The following MEOX2 variants were observed in gnomAD, a reference collection of about 807,000 sequenced individuals.
MEOX2 encodes the protein mesenchyme homeobox 2, also known as homeobox protein MOX-2.
MEOX2 carries 11 observed loss-of-function variants against 27.0 expected under a neutral mutation model. The ratio of observed to expected loss-of-function variants is 0.41; its 90% CI spans 0.26 to 0.68. MEOX2 has a LOEUF of 0.68. Ranked by LOEUF, MEOX2 falls within the 30% of genes least tolerant of loss-of-function variation. The probability of loss-of-function intolerance (pLI) is 0.33; values close to 1 mark genes in which losing one functional copy is unlikely to be tolerated. For missense variants in MEOX2, 436 were observed against 385.4 expected, an observed-to-expected ratio of 1.13 and a Z score of -1.10; for synonymous variants, 189 against 155.4, an observed-to-expected ratio of 1.22 and a Z score of -1.61.
intron 1 of MEOX2, among the ~76,000 whole-genome samples, chr7:15,643,897 A>G (rs1199498917): frequency 6.6e-6 from 1 of 152,172 alleles, no homozygotes; most frequent in Non-Finnish European, 1.5e-5. Flanking sequence ...CCTCGGGGTC[A>G]AGCATCACCT....
At chr7:15,647,408 T>G (rs577621999) in intron 1 of MEOX2, among the ~76,000 whole-genome samples, 8 of 152,248 alleles carry the variant, frequency 5.3e-5, no homozygotes, top group African/African-American at 1.9e-4. Context: ...AGCTACATTT[T>G]AGTAAATTCT....
At chr7:15,643,548 G>T (rs1781595928) in intron 1 of MEOX2, among the ~76,000 whole-genome samples, 3 of 152,162 alleles carry the variant, frequency 2.0e-5, no homozygotes, top group African/African-American at 2.4e-5. Flanking sequence ...ATGCCCAGGG[G>T]AGTCTTCCTC....
chr7:15,658,465 C>A (rs7786884), intron 1 of MEOX2, among the ~76,000 whole-genome samples: 117,415 of 152,164 alleles, frequency 0.77, 45,506 homozygotes, highest in East Asian at 0.87. Flanking sequence ...ATCTGTTAGA[C>A]ATTTTTTGTG....
intron 1 of MEOX2, among the ~76,000 whole-genome samples, chr7:15,669,063 A>T (rs1202439702): frequency 1.3e-5 from 2 of 152,204 alleles, no homozygotes. Flanking sequence ...AAAGTAAAAA[A>T]CAATTGGTAT....
At chr7:15,684,584 T>G (rs6461204) in intron 1 of MEOX2, among the ~76,000 whole-genome samples, 24,622 of 152,152 alleles carry the variant, frequency 0.16, 3,907 homozygotes, top group African/African-American at 0.42. Flanking sequence ...TTGCTGTGAA[T>G]GGTGAAGGAA....
At position 15,612,264 on chromosome 7, in the gene MEOX2, A is replaced by G; in HGVS notation, c.*123T>C. 1.3e-6 allele frequency: 1 copy of G among 791,066 alleles called. No individual in the cohort carries two copies. The highest frequency in any genetic ancestry group is 2.0e-6 in the Non-Finnish European group (1 of 488,772). 49.0% of individuals were successfully genotyped at this position (791,066 alleles called of 1,614,324 possible). A position where few individuals can be genotyped will look rare whatever the true frequency, so the allele number is the denominator to read the frequency against. On this transcript the variant is annotated 3_prime_UTR_variant, in exon 3 of 3. Transcript: ENST00000262041. ...ATAAATCATGAAAAACAGATTCGAAATGCCTGGATTTAATAATATTAAACA... is the reference window on the plus strand; with the variant it reads ...ATAAATCATGAAAAACAGATTCGAAGTGCCTGGATTTAATAATATTAAACA...
chr7:15,640,019 A>G (rs1014050080), intron 1 of MEOX2, among the ~76,000 whole-genome samples: 2 of 152,088 alleles, frequency 1.3e-5, no homozygotes, highest in Non-Finnish European at 2.9e-5. Context: ...TTCTGTGAAA[A>G]ATGACATTAG....
intron 1 of MEOX2, among the ~76,000 whole-genome samples, chr7:15,632,916 A>G (rs1781424438): frequency 6.6e-6 from 1 of 151,956 alleles, no homozygotes; most frequent in African/African-American, 2.4e-5. Context: ...GGATCTGTCT[A>G]ATAGCAAAGG....
At chr7:15,633,471 G>C (rs1169372533) in intron 1 of MEOX2, among the ~76,000 whole-genome samples, 1 of 151,920 alleles carries the variant, frequency 6.6e-6, no homozygotes, top group Admixed American at 6.6e-5. Flanking sequence ...AAAGGATTGA[G>C]CCCTCTTATG....
At chr7:15,666,751 CAAAAAAAAAAAA>C (rs61294753) in intron 1 of MEOX2, among the ~76,000 whole-genome samples, 57 of 63,042 alleles carry the variant, frequency 9.0e-4, no homozygotes, top group African/African-American at 5.0e-3. Flanking sequence ...GACTCTGTCT[CAAAAAAAAAAAA>C]AAAAAAAAAA....
intron 1 of MEOX2, among the ~76,000 whole-genome samples, chr7:15,628,439 C>G (rs1360885941): frequency 6.6e-6 from 1 of 152,106 alleles, no homozygotes; most frequent in Admixed American, 6.6e-5. Context: ...TCTGATGGAT[C>G]ACAGACTGTT....
At chr7:15,617,800 G>A (rs893672537) in intron 2 of MEOX2, among the ~76,000 whole-genome samples, 4 of 151,982 alleles carry the variant, frequency 2.6e-5, no homozygotes, top group African/African-American at 9.7e-5. Flanking sequence ...GTAATTTTTA[G>A]TTCTGAAGCC....
chr7:15,663,619 G>A (rs1202263298), intron 1 of MEOX2, among the ~76,000 whole-genome samples: 1 of 152,068 alleles, frequency 6.6e-6, no homozygotes, highest in Non-Finnish European at 1.5e-5. Context: ...GATTACAGGC[G>A]TGAGCCACCG....
chr7:15,638,967 A>T (rs1029554980), intron 1 of MEOX2, among the ~76,000 whole-genome samples: 4 of 152,090 alleles, frequency 2.6e-5, no homozygotes, highest in African/African-American at 9.7e-5. Context: ...ACTTTTTGAT[A>T]CAATTATTCC....
intron 1 of MEOX2, among the ~76,000 whole-genome samples, chr7:15,663,836 C>A (rs1781955530): frequency 6.6e-6 from 1 of 152,116 alleles, no homozygotes; most frequent in South Asian, 2.1e-4. Context: ...TCATTCCAAT[C>A]ACTAAGCTGC....
intron 1 of MEOX2, among the ~76,000 whole-genome samples, chr7:15,656,146 A>G (rs913346318): frequency 1.5e-4 from 22 of 151,640 alleles, no homozygotes; most frequent in Non-Finnish European, 2.8e-4. Context: ...ACTTTATCTC[A>G]TATTAATATA....
chr7:15,684,878 A>G (rs1782351810), intron 1 of MEOX2, among the ~76,000 whole-genome samples: 1 of 152,270 alleles, frequency 6.6e-6, no homozygotes, highest in Non-Finnish European at 1.5e-5. Context: ...CAGGTAGGTA[A>G]GAGCTTTGAA....
chr7:15,680,046 G>C (rs1782267804), intron 1 of MEOX2: 1 of 151,752 alleles, frequency 6.6e-6, no homozygotes, highest in Non-Finnish European at 1.5e-5. Flanking sequence ...GGAATAATGA[G>C]CTACTTATTA....
chr7:15,638,518 A>T (rs1050099284), intron 1 of MEOX2, among the ~76,000 whole-genome samples: 5 of 152,074 alleles, frequency 3.3e-5, no homozygotes. Flanking sequence ...TTAGGTTCAG[A>T]GGCGTACATG....
Sources: gnomAD v4.1 joint callset for allele counts (sites outside exome capture counted in the v4.1 genomes callset) on GRCh38, gnomAD v4.1.1 for gene constraint, MANE v1.5 for transcripts, NCBI Gene and HGNC (gene_info 2026-07-23, HGNC 2026-07-21) for gene names.